PIBF1: variants seen among roughly 807,000 people sequenced by gnomAD.
PIBF1 encodes progesterone immunomodulatory binding factor 1, also known as progesterone-induced-blocking factor 1.
In PIBF1, 90 loss-of-function variants were observed where a neutral mutation model predicts 112.5. That is an observed-to-expected ratio of 0.80 (90% CI 0.67 to 0.95). The LOEUF (loss-of-function observed/expected upper bound fraction) is 0.95, where lower values mean the gene tolerates loss of function less well. Among genes scored for constraint, PIBF1 ranks in the 40% least tolerant of loss-of-function variants. The probability of loss-of-function intolerance (pLI) is 0.00; values close to 1 mark genes in which losing one functional copy is unlikely to be tolerated. For missense variants in PIBF1, 915 were observed against 852.3 expected (o/e 1.07, Z -0.92); for synonymous variants, 301 against 288.6 (o/e 1.04, Z -0.44).
intron 5 of PIBF1, among the ~76,000 whole-genome samples, chr13:72,814,772 T>C (rs1441009546): frequency 1.3e-5 from 2 of 152,110 alleles, no homozygotes; most frequent in African/African-American, 4.8e-5. Flanking sequence ...CATGTAGTAC[T>C]CATCTTGAGA....
intron 9 of PIBF1, among the ~76,000 whole-genome samples, chr13:72,843,050 G>A (rs6562731): frequency 0.1 from 15,681 of 152,218 alleles, 2,303 homozygotes; most frequent in African/African-American, 0.33. Flanking sequence ...TTCGTTGTGT[G>A]TTAGGAGAGG....
chr13:72,819,637 CTG>C (rs1454257811), intron 5 of PIBF1, among the ~76,000 whole-genome samples: 1 of 152,014 alleles, frequency 6.6e-6, no homozygotes, highest in Non-Finnish European at 1.5e-5. Flanking sequence ...ATCTGTGAAA[CTG>C]GGGATAATTT....
chr13:72,966,451 G>A (rs1194445792), intron 15 of PIBF1, among the ~76,000 whole-genome samples: 5 of 152,116 alleles, frequency 3.3e-5, no homozygotes, highest in South Asian at 2.1e-4. Context: ...TAAAAATTCT[G>A]TATACAACCT....
intron 10 of PIBF1, among the ~76,000 whole-genome samples, chr13:72,868,476 T>C (rs924025736): frequency 2.0e-5 from 3 of 152,074 alleles, no homozygotes; most frequent in African/African-American, 7.2e-5. Context: ...TTCAAAATAG[T>C]TTATATAAGT....
chr13:72,915,179 G>A (rs1446094219), intron 12 of PIBF1, among the ~76,000 whole-genome samples: 1 of 151,748 alleles, frequency 6.6e-6, no homozygotes, highest in East Asian at 1.9e-4. Context: ...TTTATATAAG[G>A]GACTTAATCC....
intron 10 of PIBF1, among the ~76,000 whole-genome samples, chr13:72,885,203 T>A (rs1363573345): frequency 1.3e-5 from 2 of 152,168 alleles, no homozygotes; most frequent in African/African-American, 4.8e-5. Flanking sequence ...GTATATTTTT[T>A]GGAAGTTTAA....
chr13:72,954,707 A>T (rs1267921936), intron 14 of PIBF1, among the ~76,000 whole-genome samples: 5 of 152,044 alleles, frequency 3.3e-5, no homozygotes, highest in Non-Finnish European at 7.4e-5. Context: ...TGCTCTGGAG[A>T]TTCAGAGTTT....
At chr13:72,892,155 GTGAATTTTATGGTATA>G (rs1174155912) in intron 10 of PIBF1, among the ~76,000 whole-genome samples, 1 of 152,082 alleles carries the variant, frequency 6.6e-6, no homozygotes, top group East Asian at 1.9e-4. Context: ...TGTTAAAAGA[GTGAATTTTATGGTATA>G]TGAATTATGT....
chr13:72,783,318 T>C, intron 1 of PIBF1, 105 bp from the exon 2 acceptor site: 1 of 595,256 alleles, frequency 1.7e-6, no homozygotes, highest in Non-Finnish European at 2.9e-6. Flanking sequence ...ATGCACTAAA[T>C]TGCCTAATAT....
intron 2 of PIBF1, among the ~76,000 whole-genome samples, chr13:72,787,193 C>T (rs1054595144): frequency 1.3e-5 from 2 of 152,102 alleles, no homozygotes; most frequent in Non-Finnish European, 2.9e-5. Context: ...TATTTTTTCA[C>T]TTATTTGTTT....
chr13:72,844,271 T>C (rs1333967675), intron 9 of PIBF1, among the ~76,000 whole-genome samples: 1 of 152,210 alleles, frequency 6.6e-6, no homozygotes, highest in African/African-American at 2.4e-5. Context: ...GTCAGTGCTA[T>C]GTAAACTGAT....
chr13:72,981,723 T>C (rs2043162398), intron 16 of PIBF1, among the ~76,000 whole-genome samples: 1 of 152,248 alleles, frequency 6.6e-6, no homozygotes, highest in African/African-American at 2.4e-5. Context: ...AATTTTTCTT[T>C]AGCAGCACTT....
intron 9 of PIBF1, chr13:72,836,069 A>G (rs1384191733): frequency 2.2e-6 from 1 of 449,014 alleles, no homozygotes; most frequent in Non-Finnish European, 4.4e-6. Flanking sequence ...ACTACACTCC[A>G]GCCTTGGCGA....
At chr13:72,850,034 C>T (rs1049036631) in intron 9 of PIBF1, among the ~76,000 whole-genome samples, 1 of 152,168 alleles carries the variant, frequency 6.6e-6, no homozygotes, top group Non-Finnish European at 1.5e-5. Context: ...TCTCAGACTT[C>T]ATATGAAACC....
At chr13:72,887,538 C>A (rs1307706523) in intron 10 of PIBF1, among the ~76,000 whole-genome samples, 2 of 151,932 alleles carry the variant, frequency 1.3e-5, no homozygotes, top group Non-Finnish European at 2.9e-5. Context: ...AGTAATACTT[C>A]ATCTCTGTTT....
At chr13:72,963,753 CAATTAA>C (rs1424694583) in intron 14 of PIBF1, among the ~76,000 whole-genome samples, 3 of 151,946 alleles carry the variant, frequency 2.0e-5, no homozygotes, top group African/African-American at 7.3e-5. Flanking sequence ...AGAAAAATCA[CAATTAA>C]AATACAAGCA....
chr13:72,944,311 G>T (rs1034856594), intron 14 of PIBF1, among the ~76,000 whole-genome samples: 1 of 151,986 alleles, frequency 6.6e-6, no homozygotes, highest in African/African-American at 2.4e-5. Flanking sequence ...GCTGGGCGTG[G>T]TTGTGGGCAC....
chr13:72,955,256 G>T, intron 14 of PIBF1, among the ~76,000 whole-genome samples: 1 of 152,152 alleles, frequency 6.6e-6, no homozygotes, highest in East Asian at 1.9e-4. Flanking sequence ...GGAAGTCTTG[G>T]TTATGGTTCA....
chr13:72,880,939 C>T (rs1187125897), intron 10 of PIBF1, among the ~76,000 whole-genome samples: 2 of 152,134 alleles, frequency 1.3e-5, no homozygotes, highest in South Asian at 2.1e-4. Context: ...GAATCTTTAT[C>T]TCTAAAAAGA....
Sources: allele counts gnomAD v4.1 joint callset (sites outside exome capture counted in the v4.1 genomes callset), GRCh38; gene constraint gnomAD v4.1.1; transcripts MANE v1.5; gene names NCBI Gene and HGNC (gene_info 2026-07-23, HGNC 2026-07-21).